SLC25A26: variants seen among roughly 807,000 people sequenced by gnomAD.
SLC25A26 encodes the protein mitochondrial S-adenosylmethionine carrier protein.
SLC25A26 carries 36 observed loss-of-function variants against 37.8 expected under a neutral mutation model. The observed-to-expected ratio is 0.95, with a 90% CI of 0.73 to 1.26. The LOEUF (loss-of-function observed/expected upper bound fraction) is 1.26, where lower values mean the gene tolerates loss of function less well. Ranked by LOEUF, SLC25A26 falls within the 50% of genes most tolerant of loss-of-function variation. The pLI is 0.00. For missense variants in SLC25A26, 390 were observed against 331.1 expected (o/e 1.18, Z -1.38); for synonymous variants, 129 against 122.5 (o/e 1.05, Z -0.35).
Position 66,257,305 on chromosome 3 carries a change from T to C in SLC25A26, c.301-4746T>C, listed in dbSNP as rs542366918. Among the ~76,000 whole-genome samples, 9 of 152,262 alleles carry C rather than the reference T, an allele frequency of 5.9e-5. No homozygotes were observed. In the South Asian group the frequency reaches 8.3e-4, roughly 14 times the overall value. On this transcript the variant is annotated intron_variant, in intron 3 of 9. Transcript: ENST00000354883. ...AAAAATTATACATATATGCATCTAA[T>C]TGCATAAATATATACATTATTATTT...
At chr3:66,355,332 C>G (rs956479902) in intron 6 of SLC25A26, among the ~76,000 whole-genome samples, 8 of 151,848 alleles carry the variant, frequency 5.3e-5, no homozygotes, top group African/African-American at 1.9e-4. Context: ...TATTATTGCC[C>G]AAAACAAGGT....
intron 1 of SLC25A26, among the ~76,000 whole-genome samples, chr3:66,166,510 T>C (rs2070426875): frequency 6.6e-6 from 1 of 152,264 alleles, no homozygotes; most frequent in Admixed American, 6.5e-5. Flanking sequence ...ATTGTGTTAC[T>C]GTACAATTTA....
At chr3:66,373,627 G>GT (rs1310289728) in intron 9 of SLC25A26, among the ~76,000 whole-genome samples, 1 of 151,810 alleles carries the variant, frequency 6.6e-6, no homozygotes, top group Non-Finnish European at 1.5e-5. Context: ...GGACATAGTG[G>GT]TAATTTATAA....
chr3:66,320,003 C>T (rs957297291), intron 5 of SLC25A26, among the ~76,000 whole-genome samples: 1 of 151,952 alleles, frequency 6.6e-6, no homozygotes, highest in African/African-American at 2.4e-5. Flanking sequence ...GCCTTAGCCT[C>T]CCAAAGTGCT....
At chr3:66,271,430 G>A (rs1292316509) in intron 5 of SLC25A26, among the ~76,000 whole-genome samples, 1 of 152,148 alleles carries the variant, frequency 6.6e-6, no homozygotes, top group Non-Finnish European at 1.5e-5. Flanking sequence ...CAAAATGGCT[G>A]TTCTGCTTTC....
At chr3:66,254,726 A>G (rs962767486) in intron 3 of SLC25A26, among the ~76,000 whole-genome samples, 2 of 152,266 alleles carry the variant, frequency 1.3e-5, no homozygotes, top group African/African-American at 2.4e-5. Context: ...ACCTTCAGCA[A>G]CTTCTATGAT....
intron 1 of SLC25A26, among the ~76,000 whole-genome samples, chr3:66,142,507 A>G (rs374063442): frequency 7.9e-5 from 12 of 152,262 alleles, no homozygotes; most frequent in South Asian, 2.1e-4. Context: ...AGATGGCCAC[A>G]CTATACTCAG....
chr3:66,195,583 G>T (rs891014129), intron 1 of SLC25A26, among the ~76,000 whole-genome samples: 1 of 152,238 alleles, frequency 6.6e-6, no homozygotes, highest in Non-Finnish European at 1.5e-5. Flanking sequence ...CAGGCCCTCG[G>T]GCTAGCGTCT....
intron 5 of SLC25A26, among the ~76,000 whole-genome samples, chr3:66,313,529 G>A (rs998709330): frequency 2.6e-5 from 4 of 151,960 alleles, no homozygotes; most frequent in African/African-American, 4.8e-5. Flanking sequence ...GTAGCCTTGC[G>A]GTATATTTTG....
intron 1 of SLC25A26, among the ~76,000 whole-genome samples, chr3:66,175,608 A>G (rs1255585148): frequency 1.3e-5 from 2 of 152,174 alleles, no homozygotes; most frequent in Non-Finnish European, 2.9e-5. Flanking sequence ...AGCAAGCTGG[A>G]GAATTAGGAA....
At chr3:66,245,347 C>T (rs2072783928) in intron 3 of SLC25A26, among the ~76,000 whole-genome samples, 1 of 151,000 alleles carries the variant, frequency 6.6e-6, no homozygotes, top group Non-Finnish European at 1.5e-5. Context: ...ACTTATCTTT[C>T]TCCCTACCCC....
chr3:66,370,487 A>G (rs764348308), intron 8 of SLC25A26, 42 bp from the exon 9 acceptor site: 8 of 1,519,422 alleles, frequency 5.3e-6, no homozygotes, highest in African/African-American at 1.4e-5. Context: ...TGTGATTGGG[A>G]GCTTCAGAAG....
chr3:66,341,722 C>G (rs1474283609), intron 5 of SLC25A26, among the ~76,000 whole-genome samples: 1 of 151,964 alleles, frequency 6.6e-6, no homozygotes, highest in African/African-American at 2.4e-5. Context: ...TTTTATTAAC[C>G]TAAGGAGTAA....
intron 1 of SLC25A26, among the ~76,000 whole-genome samples, chr3:66,141,120 T>C (rs2070027337): frequency 6.6e-6 from 1 of 151,664 alleles, no homozygotes; most frequent in Non-Finnish European, 1.5e-5. Context: ...GGTAGACAGA[T>C]TGTATTTATG....
intron 6 of SLC25A26, among the ~76,000 whole-genome samples, chr3:66,351,243 C>G (rs1422429509): frequency 6.6e-6 from 1 of 152,164 alleles, no homozygotes. Flanking sequence ...TCCCCAAATC[C>G]TGTTACTGTG....
chr3:66,220,584 GTTAAT>G (rs1446902012), upstream of SLC25A26, among the ~76,000 whole-genome samples: 1 of 152,132 alleles, frequency 6.6e-6, no homozygotes, highest in Non-Finnish European at 1.5e-5. Context: ...CTGATAATGA[GTTAAT>G]TTAATATAAA....
intron 1 of SLC25A26, among the ~76,000 whole-genome samples, chr3:66,195,784 GAATT>G: frequency 6.6e-6 from 1 of 152,220 alleles, no homozygotes; most frequent in Admixed American, 6.5e-5. Flanking sequence ...AAAGCATTGA[GAATT>G]AACAGAATAA....
intron 1 of SLC25A26, among the ~76,000 whole-genome samples, chr3:66,235,732 A>G (rs1299402502): frequency 6.6e-6 from 1 of 152,220 alleles, no homozygotes; most frequent in African/African-American, 2.4e-5. Context: ...ATTGTACATC[A>G]TCTTTTCTTT....
intron 5 of SLC25A26, among the ~76,000 whole-genome samples, chr3:66,292,460 G>T (rs913730747): frequency 1.3e-5 from 2 of 152,126 alleles, no homozygotes; most frequent in African/African-American, 2.4e-5. Context: ...CATATTTAGT[G>T]CTTCCTTCAG....
Sources: allele counts gnomAD v4.1 joint callset (sites outside exome capture counted in the v4.1 genomes callset), GRCh38; gene constraint gnomAD v4.1.1; transcripts MANE v1.5; gene names NCBI Gene and HGNC (gene_info 2026-07-23, HGNC 2026-07-21).